Variants in CFH observed in about 807,000 individuals in gnomAD.
CFH encodes complement factor H.
A neutral mutation model predicts 147.3 loss-of-function variants in CFH; 53 were observed. That is an observed-to-expected ratio of 0.36 (90% CI 0.29 to 0.45). The LOEUF is 0.45. Ranked by LOEUF, CFH falls within the 20% of genes least tolerant of loss-of-function variation. CFH has a pLI of 1.00. For missense variants in CFH, 1,380 were observed against 1,498.0 expected (o/e 0.92, Z 1.30); for synonymous variants, 536 against 489.4 (o/e 1.10, Z -1.26).
intron 1 of CFH, among the ~76,000 whole-genome samples, chr1:196,663,129 GT>G (rs1322962997): frequency 3.3e-5 from 5 of 152,122 alleles, no homozygotes; most frequent in South Asian, 2.1e-4. Context: ...ATATAGGTGT[GT>G]TTTTTTACTG....
intron 11 of CFH, 47 bp downstream of exon 11, chr1:196,715,816 C>T: frequency 2.0e-6 from 3 of 1,517,714 alleles, no homozygotes; most frequent in Non-Finnish European, 2.7e-6. Context: ...GAAAATAAAT[C>T]TGTTTTCCAA....
Position 196,715,695 on chromosome 1 carries a change from A to G in CFH, c.1622A>G (p.Glu541Gly), listed in dbSNP as rs2149103733. 6.2e-7 allele frequency: 1 copy of G among 1,613,010 alleles called. No individual in the cohort carries two copies. Among genetic ancestry groups the G allele is most frequent in the Middle Eastern group, 1.7e-4 (1 of 6,052 alleles). Reference sequence around the variant, plus strand: ...GACTATGAATGCCATGATGGTTATGAAAGCAATACTGGAAGCACCACTGGT... The same window carrying G: ...GACTATGAATGCCATGATGGTTATGGAAGCAATACTGGAAGCACCACTGGT... The part of the protein sequence containing the change: ...TLDYECHDGY[E>G]SNTGSTTGSI... Residue 541 changes from glutamate (E) to glycine (G), a missense_variant, in exon 11 of 22, where the codon GAA (glutamate) becomes GGA (glycine). This residue lies in a region of CFH where 830 missense variants were observed against 821.4 expected (regional missense o/e 1.01). Transcript: ENST00000367429.
intron 9 of CFH, among the ~76,000 whole-genome samples, chr1:196,690,943 C>G (rs1206751735): frequency 6.6e-6 from 1 of 152,124 alleles, no homozygotes; most frequent in Non-Finnish European, 1.5e-5. Flanking sequence ...CATGCCTAGT[C>G]CCAGGTAGCC....
At chr1:196,688,261 G>A (rs1667895648) in intron 7 of CFH, among the ~76,000 whole-genome samples, 2 of 151,816 alleles carry the variant, frequency 1.3e-5, no homozygotes. Context: ...TAATAAACAA[G>A]ATAGCACTCA....
chr1:196,690,260 T>A, intron 9 of CFH, 21 bp downstream of exon 9: 2 of 1,612,548 alleles, frequency 1.2e-6, no homozygotes, highest in Non-Finnish European at 1.7e-6. Context: ...TACTCTGAAA[T>A]CCTAGCATGT....
At chr1:196,685,266 T>A in intron 7 of CFH, 29 bp downstream of exon 7, 1 of 1,610,406 alleles carries the variant, frequency 6.2e-7, no homozygotes. Context: ...TTGACCCATT[T>A]CTTAATTCTG....
intron 9 of CFH, among the ~76,000 whole-genome samples, chr1:196,700,177 C>A (rs1269804929): frequency 6.6e-6 from 1 of 152,108 alleles, no homozygotes; most frequent in Non-Finnish European, 1.5e-5. Flanking sequence ...AATTTTCCAG[C>A]CACTCCCCCT....
chr1:196,722,072 G>T (rs1558176954), intron 11 of CFH, among the ~76,000 whole-genome samples: 1 of 151,936 alleles, frequency 6.6e-6, no homozygotes, highest in African/African-American at 2.4e-5. Context: ...GTGAGGTTTT[G>T]TTCTTGTCAT....
At chr1:196,655,599 T>C (rs1249732914) in intron 1 of CFH, among the ~76,000 whole-genome samples, 1 of 152,286 alleles carries the variant, frequency 6.6e-6, no homozygotes, top group South Asian at 2.1e-4. Context: ...TTTATTTGCT[T>C]AATCCTCGAT....
At chr1:196,707,403 A>G (rs564464236) in intron 9 of CFH, among the ~76,000 whole-genome samples, 6 of 152,284 alleles carry the variant, frequency 3.9e-5, no homozygotes, top group Non-Finnish European at 7.4e-5. Flanking sequence ...TACTTTAACT[A>G]CTATTCACGA....
At chr1:196,717,772 C>T (rs1282250741) in intron 11 of CFH, among the ~76,000 whole-genome samples, 1 of 151,986 alleles carries the variant, frequency 6.6e-6, no homozygotes, top group Non-Finnish European at 1.5e-5. Context: ...ACATAGTTGC[C>T]CTGAGAAAAT....
At chr1:196,675,471 A>G (rs2149079344) in intron 3 of CFH, among the ~76,000 whole-genome samples, 1 of 152,242 alleles carries the variant, frequency 6.6e-6, no homozygotes, top group East Asian at 1.9e-4. Context: ...TGTTCAGAAA[A>G]TATCAGAATC....
intron 21 of CFH, among the ~76,000 whole-genome samples, chr1:196,746,768 CT>C (rs1653024030): frequency 6.6e-6 from 1 of 152,108 alleles, no homozygotes; most frequent in Non-Finnish European, 1.5e-5. Context: ...ATTCCAAGTT[CT>C]TATTCATATT....
intron 21 of CFH, among the ~76,000 whole-genome samples, chr1:196,746,297 A>G (rs187576619): frequency 8.2e-4 from 125 of 152,104 alleles, no homozygotes; most frequent in African/African-American, 2.9e-3. Flanking sequence ...ATACAAAATA[A>G]TAATAATAAC....
intron 15 of CFH, 104 bp downstream of exon 15, chr1:196,728,626 C>T (rs1320255236): frequency 4.2e-5 from 47 of 1,112,714 alleles, no homozygotes; most frequent in Non-Finnish European, 4.0e-5. Context: ...ATTACAAATG[C>T]TACTGAATAA....
chr1:196,705,194 C>T (rs921337828), intron 9 of CFH, among the ~76,000 whole-genome samples: 1 of 92,428 alleles, frequency 1.1e-5, no homozygotes, highest in Non-Finnish European at 2.0e-5. Flanking sequence ...ATTATACTGG[C>T]TTTACATTTT....
intron 1 of CFH, among the ~76,000 whole-genome samples, chr1:196,669,520 G>A (rs1023486204): frequency 1.3e-5 from 2 of 152,206 alleles, no homozygotes; most frequent in East Asian, 1.9e-4. Flanking sequence ...ACCAGCTGCA[G>A]CCATGTCTAA....
intron 5 of CFH, 140 bp downstream of exon 5, chr1:196,677,807 G>C: frequency 2.5e-6 from 2 of 798,496 alleles, no homozygotes; most frequent in Non-Finnish European, 4.2e-6. Context: ...CTGTAATTGA[G>C]CTAAGTTCTT....
intron 10 of CFH, among the ~76,000 whole-genome samples, chr1:196,714,635 G>GTA (rs1176351357): frequency 0.031 from 772 of 24,864 alleles, 42 homozygotes; most frequent in Non-Finnish European, 0.037. Flanking sequence ...ACGTATATAT[G>GTA]TATATATATA....
Sources: allele counts gnomAD v4.1 joint callset (sites outside exome capture counted in the v4.1 genomes callset), GRCh38; gene constraint gnomAD v4.1.1; regional missense constraint gnomAD v4.1.1; transcripts MANE v1.5; gene names NCBI Gene and HGNC (gene_info 2026-07-23, HGNC 2026-07-21).